Variants in ERBB4 observed in about 807,000 individuals in gnomAD.
ERBB4 encodes receptor tyrosine-protein kinase erbB-4.
ERBB4 carries 42 observed loss-of-function variants against 158.0 expected under a neutral mutation model. That is an observed-to-expected ratio of 0.27 (90% CI 0.21 to 0.34). The LOEUF (loss-of-function observed/expected upper bound fraction) is 0.34. Among genes scored for constraint, ERBB4 ranks in the 10% least tolerant of loss-of-function variants. The probability of loss-of-function intolerance (pLI) is 1.00; values close to 1 mark genes in which losing one functional copy is unlikely to be tolerated. For synonymous variants in ERBB4, 583 were observed against 558.7 expected, an observed-to-expected ratio of 1.04 and a Z score of -0.61; for missense variants, 1,333 against 1,624.1, an observed-to-expected ratio of 0.82 and a Z score of 3.08.
chr2:212,466,687 T>C (rs112599092), intron 1 of ERBB4, among the ~76,000 whole-genome samples: 12,877 of 152,250 alleles, frequency 0.085, 597 homozygotes, highest in South Asian at 0.11. Context: ...TATGTCTTTA[T>C]CAGCAGGTGA....
chr2:211,424,406 C>T (rs2063580934), intron 22 of ERBB4, 105 bp from the exon 23 acceptor site: 10 of 729,798 alleles, frequency 1.4e-5, no homozygotes, highest in Non-Finnish European at 2.3e-5. Flanking sequence ...TCAATCCAAA[C>T]ACCAATCAAT....
intron 3 of ERBB4, among the ~76,000 whole-genome samples, chr2:211,893,649 G>T (rs60941084): frequency 3.1e-5 from 4 of 129,418 alleles, no homozygotes; most frequent in Non-Finnish European, 6.4e-5. Context: ...GAAAATTTTC[G>T]CAACCTACTC....
At chr2:211,542,658 A>C (rs546041392) in intron 20 of ERBB4, among the ~76,000 whole-genome samples, 13 of 152,038 alleles carry the variant, frequency 8.6e-5, no homozygotes, top group African/African-American at 1.2e-4. Context: ...AGGTTTGACT[A>C]AGAGTGGCCA....
At chr2:212,273,539 G>A (rs974005662) in intron 1 of ERBB4, among the ~76,000 whole-genome samples, 9 of 151,692 alleles carry the variant, frequency 5.9e-5, no homozygotes, top group Admixed American at 2.6e-4. Flanking sequence ...TCCAAGGTCC[G>A]TACAATCACA....
chr2:212,405,835 G>T (rs2091330020), intron 1 of ERBB4, among the ~76,000 whole-genome samples: 1 of 152,024 alleles, frequency 6.6e-6, no homozygotes, highest in Non-Finnish European at 1.5e-5. Flanking sequence ...ACAAGGCTTT[G>T]TACTTCAGAA....
chr2:211,773,625 TATATATATATATATATATATATA>T (rs1559506138), intron 4 of ERBB4, among the ~76,000 whole-genome samples: 1,035 of 62,200 alleles, frequency 0.017, 38 homozygotes, highest in Middle Eastern at 0.053. Context: ...TATATATATA[TATATATATATATATATATATATA>T]ATATATATAC....
At chr2:211,557,696 G>A (rs2067274603) in intron 20 of ERBB4, among the ~76,000 whole-genome samples, 1 of 152,048 alleles carries the variant, frequency 6.6e-6, no homozygotes, top group African/African-American at 2.4e-5. Context: ...AACCACTATG[G>A]AAAGCAGTCT....
intron 2 of ERBB4, among the ~76,000 whole-genome samples, chr2:212,024,411 C>T (rs1424878281): frequency 6.6e-6 from 1 of 151,746 alleles, no homozygotes; most frequent in Non-Finnish European, 1.5e-5. Flanking sequence ...CATACCCCAC[C>T]ACACAGAAAA....
chr2:212,298,838 T>G (rs937542782), intron 1 of ERBB4, among the ~76,000 whole-genome samples: 1 of 151,724 alleles, frequency 6.6e-6, no homozygotes, highest in Admixed American at 6.6e-5. Flanking sequence ...AAATATCAGA[T>G]AAACCAAAGT....
chr2:211,900,373 AAC>A (rs72160363), intron 3 of ERBB4, among the ~76,000 whole-genome samples: 75,830 of 148,476 alleles, frequency 0.51, 19,617 homozygotes, highest in African/African-American at 0.62. Flanking sequence ...TTTATGTTTA[AAC>A]ACACACACAC....
chr2:212,125,444 G>T (rs531111529), intron 1 of ERBB4, among the ~76,000 whole-genome samples: 5 of 152,028 alleles, frequency 3.3e-5, no homozygotes, highest in Admixed American at 1.3e-4. Context: ...AAGTTCAGGG[G>T]TACATACGCA....
At chr2:212,205,483 T>C (rs560387851) in intron 1 of ERBB4, among the ~76,000 whole-genome samples, 9 of 152,216 alleles carry the variant, frequency 5.9e-5, no homozygotes, top group Non-Finnish European at 1.3e-4. Flanking sequence ...CAAACGGTCA[T>C]TTTATGATAT....
intron 1 of ERBB4, among the ~76,000 whole-genome samples, chr2:212,524,505 C>G (rs1692340912): frequency 6.6e-6 from 1 of 151,916 alleles, no homozygotes; most frequent in Non-Finnish European, 1.5e-5. Flanking sequence ...CACAAATGAC[C>G]CATCAGCACT....
intron 2 of ERBB4, among the ~76,000 whole-genome samples, chr2:212,053,156 C>A (rs758785467): frequency 6.6e-6 from 1 of 152,154 alleles, no homozygotes. Context: ...GCAGTCTAGC[C>A]TGGGAAAGAG....
intron 19 of ERBB4, among the ~76,000 whole-genome samples, chr2:211,591,472 T>C (rs1034514916): frequency 2.6e-5 from 4 of 152,360 alleles, no homozygotes; most frequent in Admixed American, 2.6e-4. Context: ...TTGCATGGAA[T>C]GTTGCCCTTC....
rs553498099 is a variant in ERBB4 at position 212,281,121 on chromosome 2, A to G, written c.83-156218T>C. Among the ~76,000 whole-genome samples the G allele has an allele frequency of 2.6e-5, 4 of 151,812 alleles. No individual in the cohort carries two copies. In the South Asian group the frequency reaches 8.3e-4, roughly 31 times the overall value. The stretch of plus-strand genomic sequence containing the variant: ...GCCCTTCTTTTTTTTTCTAAAAAAC[A>G]TATTTGCAATTTAAGAAATCTTCTG... On this transcript the variant is annotated intron_variant, in intron 1 of 27. Transcript: ENST00000342788.
chr2:212,486,592 A>G (rs1480866607), intron 1 of ERBB4, among the ~76,000 whole-genome samples: 1 of 152,200 alleles, frequency 6.6e-6, no homozygotes. Context: ...TAATGATAAA[A>G]GAAAAGTAGG....
intron 19 of ERBB4, among the ~76,000 whole-genome samples, chr2:211,568,520 G>A (rs1361607063): frequency 6.6e-6 from 1 of 152,142 alleles, no homozygotes; most frequent in Admixed American, 6.5e-5. Flanking sequence ...CAAAAGGGAA[G>A]AAACAACCAT....
chr2:211,765,425 G>A (rs34040017), intron 4 of ERBB4, among the ~76,000 whole-genome samples: 21,670 of 152,070 alleles, frequency 0.14, 1,744 homozygotes, highest in South Asian at 0.33. Context: ...AGTATTCAAC[G>A]TATATTATAC....
Sources: gnomAD v4.1 joint callset for allele counts (sites outside exome capture counted in the v4.1 genomes callset) on GRCh38, gnomAD v4.1.1 for gene constraint, MANE v1.5 for transcripts, NCBI Gene and HGNC (gene_info 2026-07-23, HGNC 2026-07-21) for gene names.